The following ARHGEF2 variants were observed in gnomAD, a reference collection of about 807,000 sequenced individuals.
The protein encoded by ARHGEF2 is rho guanine nucleotide exchange factor 2.
In ARHGEF2, 22 loss-of-function variants were observed where a neutral mutation model predicts 121.0. That is an observed-to-expected ratio of 0.18 (90% CI 0.13 to 0.26). ARHGEF2 has a LOEUF of 0.26. Among genes scored for constraint, ARHGEF2 ranks in the 10% least tolerant of loss-of-function variants. The pLI is 1.00. For missense variants in ARHGEF2, 907 were observed against 1,336.0 expected (o/e 0.68, Z 5.01); for synonymous variants, 487 against 530.0 (o/e 0.92, Z 1.11).
Position 155,950,618 on chromosome 1 carries a change from C to T in ARHGEF2, c.2704-136G>A. On this transcript the variant is annotated intron_variant, in intron 20 of 21. Coordinates refer to ENST00000361247, the MANE Select transcript of ARHGEF2 (RefSeq NM_001162383.2). The surrounding 1 kb of genome is among the most constrained non-coding windows in gnomAD (Gnocchi z 5.2). ...TCCCCTTCAGGAGATCCACCACCAA[C>T]TGGCCTCTTTCAGCACCACGACCCG... The T allele has an allele frequency of 9.7e-7, 1 of 1,032,044 alleles. No individual in the cohort carries two copies. The allele number at this position is 1,032,044 out of a possible 1,614,324, so 63.9% of individuals were successfully genotyped here.
rs1359596166 is a variant in ARHGEF2 at position 155,961,779 on chromosome 1, G to T, written c.1350C>A (p.Asp450Glu). ...CAGGCACTGGGGTTTGGGCCCGAGG[G>T]TCCATGCGGTTGTAGATCTCCTGCA... Reference protein sequence around the residue: ...ARLQEIYNRMDPRAQTPVPGK... With the variant: ...ARLQEIYNRMEPRAQTPVPGK... The change falls in exon 11 of 22, where the codon GAC becomes GAA. Residue 450 changes from aspartate to glutamate, a missense_variant. Transcript: ENST00000361247. The surrounding 1 kb of genome is among the most constrained non-coding windows in gnomAD (Gnocchi z 4.7). 1 of 1,614,198 alleles carries T rather than the reference G, an allele frequency of 6.2e-7. No individual in the cohort carries two copies. Among genetic ancestry groups the T allele is most frequent in the Non-Finnish European group, 8.5e-7 (1 of 1,180,036 alleles).
At chr1:155,977,636 T>C (rs1173769878) in intron 1 of ARHGEF2, among the ~76,000 whole-genome samples, 2 of 152,068 alleles carry the variant, frequency 1.3e-5, no homozygotes, top group Non-Finnish European at 1.5e-5. Context: ...GGAGGCCCTA[T>C]GTTCCAGGCA....
intron 11 of ARHGEF2, among the ~76,000 whole-genome samples, chr1:155,960,699 C>T (rs1169462782): frequency 6.6e-6 from 1 of 152,150 alleles, no homozygotes; most frequent in South Asian, 2.1e-4. Flanking sequence ...TGACAATATC[C>T]AAACCCAGGG....
At chr1:155,949,512 G>A (rs1337961812) in intron 21 of ARHGEF2, among the ~76,000 whole-genome samples, 2 of 150,894 alleles carry the variant, frequency 1.3e-5, no homozygotes, top group Admixed American at 6.6e-5. Flanking sequence ...CCTGGGAGGC[G>A]GAGGTTGCAG....
chr1:155,951,832 C>T lies in ARHGEF2; in HGVS notation c.2173-56G>A. On this transcript the variant is annotated intron_variant, in intron 17 of 21. Coordinates refer to ENST00000361247, the MANE Select transcript of ARHGEF2 (RefSeq NM_001162383.2). This position sits in a 1 kb window ranked among gnomAD's most constrained non-coding sequence, Gnocchi z 5.1. ...CAGGCACACAAATCCTGGGTGCCTG[C>T]CCCTGACAGCTTTGTGTTGAGGATC... 1 of 1,613,106 alleles carries T rather than the reference C, an allele frequency of 6.2e-7. No individual in the cohort carries two copies. Among genetic ancestry groups the T allele is most frequent in the South Asian group, 1.1e-5 (1 of 91,054 alleles).
intron 15 of ARHGEF2, 63 bp from the exon 16 acceptor site, chr1:155,952,298 C>A: frequency 1.2e-6 from 2 of 1,600,744 alleles, no homozygotes; most frequent in Non-Finnish European, 8.5e-7. Context: ...GAATGCCATT[C>A]ACCCCCACAT....
At chr1:155,968,942 C>T (rs1679961078) in intron 2 of ARHGEF2, 1 of 581,774 alleles carries the variant, frequency 1.7e-6, no homozygotes, top group African/African-American at 1.9e-5. Flanking sequence ...CCCCCACATT[C>T]CCAGATAGTC....
Position 155,950,506 on chromosome 1 carries a change from C to G in ARHGEF2, c.2704-24G>C, listed in dbSNP as rs755904206. On this transcript the variant is annotated intron_variant, in intron 20 of 21. Transcript: ENST00000361247. The surrounding 1 kb of genome is among the most constrained non-coding windows in gnomAD (Gnocchi z 5.2). ...GGCTGTGGACAGTGGGCAGGAAGAA[C>G]AGCAGGTCAGGGACTGAGTAGTGTG... The G allele has an allele frequency of 1.9e-6, 3 of 1,609,930 alleles. No homozygotes were observed. The highest frequency in any genetic ancestry group is 3.3e-5 in the Admixed American group (2 of 60,000).
intron 11 of ARHGEF2, among the ~76,000 whole-genome samples, chr1:155,960,186 G>C (rs1031618468): frequency 6.6e-6 from 1 of 152,100 alleles, no homozygotes; most frequent in Non-Finnish European, 1.5e-5. Flanking sequence ...AACAGAGGGC[G>C]AGGCATAGTG....
chr1:155,971,124 G>A (rs1680374276), intron 1 of ARHGEF2: 1 of 985,072 alleles, frequency 1.0e-6, no homozygotes, highest in Non-Finnish European at 1.2e-6. Context: ...CTCTACCTAG[G>A]CTTATTCAGG....
chr1:155,967,449 C>T (rs1572164865), intron 2 of ARHGEF2, among the ~76,000 whole-genome samples: 1 of 152,146 alleles, frequency 6.6e-6, no homozygotes. Flanking sequence ...AGAGGTCACA[C>T]GGCTAGTGGG....
Position 155,978,259 on chromosome 1 carries a change from T to G in ARHGEF2, c.63+106A>C, listed in dbSNP as rs1681687982. ...TCGCCGATCCACCGCTCCGCCCGAT[T>G]TTGGCGCCCAGAAAGCAGGCGGGGA... is the stretch of plus-strand genomic sequence containing the variant. On this transcript the variant is annotated intron_variant, in intron 1 of 21. Coordinates refer to ENST00000361247, the MANE Select transcript of ARHGEF2 (RefSeq NM_001162383.2). The surrounding 1 kb of genome is among the most constrained non-coding windows in gnomAD (Gnocchi z 4.1). 1.5e-6 allele frequency: 2 copies of G among 1,345,864 alleles called. No homozygotes were observed. Among genetic ancestry groups the G allele is most frequent in the Non-Finnish European group, 1.9e-6 (2 of 1,029,664 alleles). The allele number at this position is 1,345,864 out of a possible 1,614,324, so 83.4% of individuals were successfully genotyped here.
At chr1:155,975,753 C>T (rs1327217658) in intron 1 of ARHGEF2, among the ~76,000 whole-genome samples, 1 of 152,124 alleles carries the variant, frequency 6.6e-6, no homozygotes. Context: ...TCCAAGGGGA[C>T]CCCCAGCCTC....
At chr1:155,964,174 A>ATATGTATATATATATATATATATATATG in intron 7 of ARHGEF2, among the ~76,000 whole-genome samples, 1 of 78,746 alleles carries the variant, frequency 1.3e-5, no homozygotes, top group South Asian at 3.7e-4. Context: ...AAAAATATAT[A>ATATGTATATATATATATATATATATATG]TATATATATA....
chr1:155,962,288 T>C lies in ARHGEF2; in HGVS notation c.1102-66A>G. Reference sequence around the variant, plus strand: ...CAACAGAAAGGCCTGGGGCCTGAGCTCTGGTGCTGGCCCTGGCGTGGCCAT... The same window carrying C: ...CAACAGAAAGGCCTGGGGCCTGAGCCCTGGTGCTGGCCCTGGCGTGGCCAT... On this transcript the variant is annotated intron_variant, in intron 9 of 21. Transcript: ENST00000361247. The surrounding 1 kb of genome is among the most constrained non-coding windows in gnomAD (Gnocchi z 5.8). 1 of 1,508,612 alleles carries C rather than the reference T, an allele frequency of 6.6e-7. No homozygotes were observed. The allele number at this position is 1,508,612 out of a possible 1,614,324, so 93.5% of individuals were successfully genotyped here. A position where few individuals can be genotyped will look rare whatever the true frequency, so the allele number is the denominator to read the frequency against.
At chr1:155,953,664 C>T (rs554387106) in intron 14 of ARHGEF2, among the ~76,000 whole-genome samples, 214 of 146,130 alleles carry the variant, frequency 1.5e-3, no homozygotes, top group African/African-American at 5.4e-3. Flanking sequence ...ATCACTTGAA[C>T]GTGGGAGATG....
intron 21 of ARHGEF2, among the ~76,000 whole-genome samples, chr1:155,949,819 G>A (rs1675050438): frequency 6.6e-6 from 1 of 152,064 alleles, no homozygotes; most frequent in Non-Finnish European, 1.5e-5. Flanking sequence ...AGAGGTTGCA[G>A]TGAGCCAAGA....
chr1:155,953,295 G>T (rs1286845767), intron 14 of ARHGEF2, among the ~76,000 whole-genome samples: 4 of 151,512 alleles, frequency 2.6e-5, no homozygotes, highest in African/African-American at 9.7e-5. Flanking sequence ...TTGTGGAAGG[G>T]GTTGCAGGTT....
At chr1:155,949,383 C>A (rs893005224) in intron 21 of ARHGEF2, among the ~76,000 whole-genome samples, 2 of 152,062 alleles carry the variant, frequency 1.3e-5, no homozygotes, top group Non-Finnish European at 2.9e-5. Context: ...AGATTGAGAC[C>A]AGACTGGGCA....
Sources: allele counts gnomAD v4.1 joint callset (sites outside exome capture counted in the v4.1 genomes callset), GRCh38; gene constraint gnomAD v4.1.1; non-coding constraint Gnocchi (gnomAD v3.1); transcripts MANE v1.5; gene names NCBI Gene and HGNC (gene_info 2026-07-23, HGNC 2026-07-21).